MAN1B1: variants seen among roughly 807,000 people sequenced by gnomAD.
The protein encoded by MAN1B1 is endoplasmic reticulum mannosyl-oligosaccharide 1,2-alpha-mannosidase.
A neutral mutation model predicts 75.5 loss-of-function variants in MAN1B1; 66 were observed. The ratio of observed to expected loss-of-function variants is 0.87; its 90% CI spans 0.72 to 1.07. The LOEUF (loss-of-function observed/expected upper bound fraction) is 1.07, where lower values mean the gene tolerates loss of function less well. Ranked by LOEUF, MAN1B1 falls within the 50% of genes least tolerant of loss-of-function variation. The pLI is 0.00. For missense variants in MAN1B1, 973 were observed against 912.5 expected (o/e 1.07, Z -0.85); for synonymous variants, 453 against 382.8 (o/e 1.18, Z -2.14).
chr9:137,089,557 G>A (rs1441781128), intron 3 of MAN1B1, among the ~76,000 whole-genome samples: 3 of 152,228 alleles, frequency 2.0e-5, no homozygotes, highest in East Asian at 3.8e-4. Context: ...GGGAGAGGGA[G>A]CAGGGGTTGG....
At chr9:137,088,843 G>A (rs754010020) in intron 2 of MAN1B1, 26 bp from the exon 3 acceptor site, 7 of 1,613,250 alleles carry the variant, frequency 4.3e-6, no homozygotes, top group Non-Finnish European at 5.9e-6. Context: ...TGGCATATTT[G>A]AAATAAAATA....
chr9:137,103,564 TACAC>T (rs201725638), intron 8 of MAN1B1: 12 of 442,386 alleles, frequency 2.7e-5, no homozygotes, highest in Middle Eastern at 3.3e-4. Context: ...AGGTTGGTGT[TACAC>T]ACATTCACAC....
Position 137,097,858 on chromosome 9 carries a change from G to T in MAN1B1, c.651G>T (p.Gln217His). The T allele has an allele frequency of 2.6e-6, 4 of 1,557,600 alleles. No individual in the cohort carries two copies. Among genetic ancestry groups the T allele is most frequent in the Middle Eastern group, 1.7e-4 (1 of 5,996 alleles). ...GGGGAGCGGTGATCGAGCCTGAGCAGGGCACCGAGCTCCCTTCAAGAAGAG... is the reference window on the plus strand; with the variant it reads ...GGGGAGCGGTGATCGAGCCTGAGCATGGCACCGAGCTCCCTTCAAGAAGAG... The part of the protein sequence containing the change: ...SWRGAVIEPE[Q>H]GTELPSRRAE... Residue 217 changes from glutamine to histidine, a missense_variant, in exon 5 of 13, where the codon CAG becomes CAT. Gln to His is a conservative substitution (Grantham distance 24). Transcript: ENST00000371589.
At chr9:137,088,257 A>G (rs1325856883) in intron 2 of MAN1B1, 74 bp downstream of exon 2, 2 of 1,613,446 alleles carry the variant, frequency 1.2e-6, no homozygotes, top group South Asian at 1.1e-5. Flanking sequence ...CTTGCATTCT[A>G]CCTTAAACAG....
At position 137,108,604 on chromosome 9, in the gene MAN1B1, C is replaced by G. The variant is rs760572357; in HGVS notation, c.*13C>G. Reference sequence around the variant, plus strand: ...GACCCCTGCCTAGGGTGGATGGCTGCTGGTGTGGGGACTTCGGGTGGGCAG... The same window carrying G: ...GACCCCTGCCTAGGGTGGATGGCTGGTGGTGTGGGGACTTCGGGTGGGCAG... On this transcript the variant is annotated 3_prime_UTR_variant, in exon 13 of 13. Coordinates refer to ENST00000371589, the MANE Select transcript of MAN1B1 (RefSeq NM_016219.5). 2 of 1,613,186 alleles carry G rather than the reference C, an allele frequency of 1.2e-6. No individual in the cohort carries two copies. The highest frequency in any genetic ancestry group is 2.2e-5 in the South Asian group (2 of 91,070).
intron 10 of MAN1B1, 123 bp downstream of exon 10, chr9:137,106,932 G>C: frequency 1.5e-6 from 2 of 1,370,924 alleles, no homozygotes; most frequent in Non-Finnish European, 2.0e-6. Context: ...GCCCTGGGTG[G>C]ACCGTGGCTG....
intron 8 of MAN1B1, chr9:137,103,790 G>A (rs1176783430): frequency 2.2e-6 from 1 of 454,924 alleles, no homozygotes; most frequent in Non-Finnish European, 4.4e-6. Flanking sequence ...AGGTGTGCAG[G>A]TTGGTGTTAC....
Position 137,107,289 on chromosome 9 carries a change from G to A in MAN1B1, c.1606G>A (p.Gly536Ser). The A allele has an allele frequency of 6.2e-7, 1 of 1,613,084 alleles. No homozygotes were observed. The highest frequency in any genetic ancestry group is 8.5e-7 in the Non-Finnish European group (1 of 1,179,982). Reference protein sequence around the residue: ...VCFLPGTLALGVYHGLPASHM... With the variant: ...VCFLPGTLALSVYHGLPASHM... Reference sequence around the variant, plus strand: ...CTTCCTGCCAGGGACGCTGGCTCTGGGCGTCTACCACGGCCTGCCCGCCAG... The same window carrying A: ...CTTCCTGCCAGGGACGCTGGCTCTGAGCGTCTACCACGGCCTGCCCGCCAG... The change falls in exon 11 of 13, where the codon GGC becomes AGC. Residue 536 changes from glycine to serine, a missense_variant. Gly to Ser is a moderately conservative substitution (Grantham distance 56). Transcript: ENST00000371589.
chr9:137,088,481 T>G, intron 2 of MAN1B1: 1 of 1,423,692 alleles, frequency 7.0e-7, no homozygotes, highest in Non-Finnish European at 9.6e-7. Context: ...CCACACAAAT[T>G]TCGTAGCACT....
intron 2 of MAN1B1, 189 bp downstream of exon 2, chr9:137,088,372 T>A: frequency 1.3e-6 from 2 of 1,588,658 alleles, no homozygotes. Context: ...AATTTGATGC[T>A]GTCTGACTAC....
intron 5 of MAN1B1, among the ~76,000 whole-genome samples, chr9:137,098,180 G>A (rs979710771): frequency 3.3e-5 from 5 of 152,214 alleles, no homozygotes; most frequent in African/African-American, 1.2e-4. Context: ...TTTGTGTCTG[G>A]GCCAGGCTGC....
At chr9:137,091,345 C>G (rs1023322951) in intron 3 of MAN1B1, among the ~76,000 whole-genome samples, 1 of 152,052 alleles carries the variant, frequency 6.6e-6, no homozygotes, top group Non-Finnish European at 1.5e-5. Flanking sequence ...GTGAATATTT[C>G]TGTCTTTCTC....
intron 3 of MAN1B1, among the ~76,000 whole-genome samples, chr9:137,094,920 G>T (rs552077079): frequency 6.6e-6 from 1 of 151,752 alleles, no homozygotes; most frequent in African/African-American, 2.4e-5. Flanking sequence ...GGGCATGGTG[G>T]CTCATGCCTG....
intron 5 of MAN1B1, 46 bp downstream of exon 5, chr9:137,097,983 G>A: frequency 7.1e-7 from 1 of 1,416,338 alleles, no homozygotes; most frequent in Non-Finnish European, 9.8e-7. Flanking sequence ...CTCAGGGGCT[G>A]GTGGCTGATG....
At position 137,108,345 on chromosome 9, in the gene MAN1B1, A is replaced by G. The variant is rs781244524; in HGVS notation, c.1897-43A>G. On this transcript the variant is annotated intron_variant, in intron 12 of 12. Transcript: ENST00000371589. ...TCGGTGATGAGGCTGAGGGGGGTGC[A>G]GGGTGCCCCCCGTGTGGTGACGAGG... 5 of 1,530,088 alleles carry G rather than the reference A, an allele frequency of 3.3e-6. No individual in the cohort carries two copies. In the African/African-American group the frequency reaches 6.8e-5, roughly 21 times the overall value. 94.8% of individuals were successfully genotyped at this position (1,530,088 alleles called of 1,614,324 possible).
At position 137,087,176 on chromosome 9, in the gene MAN1B1, CTA is replaced by C; in HGVS notation, c.179_180del (p.Tyr60Ter). On this transcript the variant is annotated frameshift_variant, in exon 1 of 13. Coordinates refer to ENST00000371589, the MANE Select transcript of MAN1B1 (RefSeq NM_016219.5). LOFTEE classifies it high-confidence loss of function. ...ISVTLSFGENYDNSKSWRRRS... is the reference protein window; with the variant it reads ...ISVTLSFGENXDNSKSWRRRS... ...CGGTGACGCTGAGCTTTGGCGAGAACTATGACAACAGCAAGAGTTGGCGGCGG... is the reference window on the plus strand; with the variant it reads ...CGGTGACGCTGAGCTTTGGCGAGAACTGACAACAGCAAGAGTTGGCGGCGG... The C allele has an allele frequency of 1.3e-6, 2 of 1,591,692 alleles. No homozygotes were observed. Among genetic ancestry groups the C allele is most frequent in the Non-Finnish European group, 1.7e-6 (2 of 1,169,892 alleles).
In MAN1B1 at chr9:137,108,677, C is replaced by T. The variant is rs771691552; in HGVS notation, c.*86C>T. On this transcript the variant is annotated 3_prime_UTR_variant, in exon 13 of 13. Transcript: ENST00000371589. ...CATTTTCCAAGGGCCCACGTAGCAC[C>T]GGCAACCGCCAAGTGGCCCAGGCTC... 56 of 1,277,614 alleles carry T rather than the reference C, an allele frequency of 4.4e-5. No homozygotes were observed. Among genetic ancestry groups the T allele is most frequent in the African/African-American group, 1.0e-4 (7 of 68,080 alleles). 79.1% of individuals were successfully genotyped at this position (1,277,614 alleles called of 1,614,324 possible). A position where few individuals can be genotyped will look rare whatever the true frequency, so the allele number is the denominator to read the frequency against.
At chr9:137,105,581 G>A (rs552564596) in intron 8 of MAN1B1, 8 of 305,686 alleles carry the variant, frequency 2.6e-5, no homozygotes, top group South Asian at 5.5e-5. Context: ...CTAACATCCC[G>A]GTACCCTGTG....
intron 8 of MAN1B1, 46 bp downstream of exon 8, chr9:137,101,718 C>G (rs1475625381): frequency 1.3e-6 from 2 of 1,580,614 alleles, no homozygotes; most frequent in South Asian, 1.1e-5. Flanking sequence ...CCTGGAGCTA[C>G]CTTTTGCTCA....
Sources: gnomAD v4.1 joint callset for allele counts (sites outside exome capture counted in the v4.1 genomes callset) on GRCh38, gnomAD v4.1.1 for gene constraint, MANE v1.5 for transcripts, NCBI Gene and HGNC (gene_info 2026-07-23, HGNC 2026-07-21) for gene names.